The following PODXL2 variants were observed in gnomAD, a reference collection of about 807,000 sequenced individuals.
PODXL2 encodes podocalyxin-like protein 2.
PODXL2 carries 17 observed loss-of-function variants against 53.4 expected under a neutral mutation model. The ratio of observed to expected loss-of-function variants is 0.32; its 90% CI spans 0.22 to 0.48. PODXL2 has a LOEUF of 0.48. Among genes scored for constraint, PODXL2 ranks in the 20% least tolerant of loss-of-function variants. The pLI is 0.99. For synonymous variants in PODXL2, 311 were observed against 306.7 expected, an observed-to-expected ratio of 1.01 and a Z score of -0.15; for missense variants, 673 against 760.0, an observed-to-expected ratio of 0.89 and a Z score of 1.35.
At chr3:127,652,828 C>T (rs1032852571) in intron 2 of PODXL2, among the ~76,000 whole-genome samples, 7 of 151,924 alleles carry the variant, frequency 4.6e-5, no homozygotes, top group African/African-American at 1.5e-4. Flanking sequence ...GAAGGGATTC[C>T]CTGGAGCGCT....
At chr3:127,659,467 C>T (rs749364908) in intron 2 of PODXL2, among the ~76,000 whole-genome samples, 20 of 152,082 alleles carry the variant, frequency 1.3e-4, no homozygotes, top group Admixed American at 2.6e-4. Context: ...GTGTTCCCAC[C>T]ACTCTCCTTT....
At position 127,660,794 on chromosome 3, in the gene PODXL2, G is replaced by A. The variant is rs1183347950; in HGVS notation, c.766G>A (p.Gly256Arg). 6.2e-7 allele frequency: 1 copy of A among 1,614,206 alleles called. No homozygotes were observed. Among genetic ancestry groups the A allele is most frequent in the Admixed American group, 1.7e-5 (1 of 60,016 alleles). Residue 256 changes from glycine (G) to arginine (R), a missense_variant, in exon 3 of 8, where the codon GGG becomes AGG. Physicochemically the swap from Gly to Arg is moderately radical, Grantham distance 125. Around this residue, in one of 3 missense-constraint regions of PODXL2, gnomAD observed 588 missense variants for 668.3 expected, o/e 0.88. Coordinates refer to ENST00000342480, the MANE Select transcript of PODXL2 (RefSeq NM_015720.4). ...PSVTPTTVTP[G>R]DQDSTSQEAE... Reference sequence around the variant, plus strand: ...AGTCACCCCAACTACAGTGACTCCGGGGGACCAGGACTCCACCAGCCAAGA... The same window carrying A: ...AGTCACCCCAACTACAGTGACTCCGAGGGACCAGGACTCCACCAGCCAAGA...
chr3:127,647,009 C>T (rs2074661205), intron 2 of PODXL2, among the ~76,000 whole-genome samples: 1 of 152,146 alleles, frequency 6.6e-6, no homozygotes, highest in Non-Finnish European at 1.5e-5. Flanking sequence ...TGCCTTCCTT[C>T]TCCATCTGTA....
At chr3:127,671,327 C>T (rs756087644) in intron 6 of PODXL2, 107 bp from the exon 7 acceptor site, 89 of 1,007,498 alleles carry the variant, frequency 8.8e-5, no homozygotes, top group Middle Eastern at 2.8e-4. Flanking sequence ...GTGCCAGCAC[C>T]TTCTAAGCCT....
At chr3:127,650,026 T>A (rs2074678780) in intron 2 of PODXL2, among the ~76,000 whole-genome samples, 1 of 152,244 alleles carries the variant, frequency 6.6e-6, no homozygotes, top group Admixed American at 6.5e-5. Flanking sequence ...AGTGTTTTTA[T>A]ATTAACACTC....
At chr3:127,672,119 A>T (rs1343648016) in intron 7 of PODXL2, 149 bp from the exon 8 acceptor site, 3 of 629,680 alleles carry the variant, frequency 4.8e-6, no homozygotes, top group Non-Finnish European at 8.4e-6. Flanking sequence ...TTGAGAAAGG[A>T]GTTGAGCTGC....
chr3:127,663,277 G>A (rs1409469011), intron 4 of PODXL2, among the ~76,000 whole-genome samples: 1 of 152,186 alleles, frequency 6.6e-6, no homozygotes, highest in Non-Finnish European at 1.5e-5. Context: ...TCTGGGGAGT[G>A]TCAATCAGTA....
chr3:127,672,203 C>T (rs2074851399), intron 7 of PODXL2, 65 bp from the exon 8 acceptor site: 1 of 1,400,238 alleles, frequency 7.1e-7, no homozygotes, highest in Non-Finnish European at 9.7e-7. Context: ...GCACAGACGG[C>T]CGCGGGCCTG....
At chr3:127,644,894 T>G (rs2074643613) in intron 2 of PODXL2, among the ~76,000 whole-genome samples, 1 of 151,408 alleles carries the variant, frequency 6.6e-6, no homozygotes, top group Non-Finnish European at 1.5e-5. Context: ...GGGAGGAGAG[T>G]TGCTTCAGTC....
At position 127,671,484 on chromosome 3, in the gene PODXL2, C is replaced by A; in HGVS notation, c.1476C>A (p.Ser492Arg). Residue 492 changes from serine to arginine, a missense_variant, in exon 7 of 8, where the codon AGC (serine) becomes AGA (arginine). Physicochemically the swap from Ser to Arg is moderately radical, Grantham distance 110 (BLOSUM62 -1). This residue lies in a region of PODXL2 where 588 missense variants were observed against 668.3 expected (regional missense o/e 0.88). Transcript: ENST00000342480. ...CCAGCAGCTGCCAGGCGCGGGCCAGCCAGGTGCGCAGCGACTACGGCACGC... is the reference window on the plus strand; with the variant it reads ...CCAGCAGCTGCCAGGCGCGGGCCAGACAGGTGCGCAGCGACTACGGCACGC... ...STTSSCQARA[S>R]QVRSDYGTLF... 1 of 1,614,134 alleles carries A rather than the reference C, an allele frequency of 6.2e-7. No individual in the cohort carries two copies. Among genetic ancestry groups the A allele is most frequent in the Non-Finnish European group, 8.5e-7 (1 of 1,180,000 alleles).
intron 7 of PODXL2, among the ~76,000 whole-genome samples, chr3:127,671,837 C>T (rs1047228136): frequency 6.6e-6 from 1 of 152,182 alleles, no homozygotes; most frequent in Non-Finnish European, 1.5e-5. Flanking sequence ...ACCAGGGGGC[C>T]CCTCCCTGGC....
Position 127,672,501 on chromosome 3 carries a change from G to T in PODXL2, c.*21G>T. The T allele has an allele frequency of 7.0e-7, 1 of 1,432,118 alleles. No individual in the cohort carries two copies. The highest frequency in any genetic ancestry group is 1.4e-5 in the South Asian group (1 of 72,746). 88.7% of individuals were successfully genotyped at this position (1,432,118 alleles called of 1,614,324 possible). A position where few individuals can be genotyped will look rare whatever the true frequency, so the allele number is the denominator to read the frequency against. On this transcript the variant is annotated 3_prime_UTR_variant, in exon 8 of 8. Transcript: ENST00000342480. The stretch of plus-strand genomic sequence containing the variant: ...TGTGAGCGCAGCCGAGGCGCAGGCC[G>T]AGTGGGCCGCCAGGACCAAGCGAGG...
At chr3:127,669,674 G>C (rs7634281) in intron 6 of PODXL2, among the ~76,000 whole-genome samples, 1 of 152,114 alleles carries the variant, frequency 6.6e-6, no homozygotes, top group Non-Finnish European at 1.5e-5. Flanking sequence ...GTGCTTGCAC[G>C]GCCAGGCCCT....
chr3:127,663,862 T>C (rs1209934188), intron 4 of PODXL2, among the ~76,000 whole-genome samples: 1 of 152,242 alleles, frequency 6.6e-6, no homozygotes, highest in Middle Eastern at 3.2e-3. Context: ...CTAAAGTTCG[T>C]ATCTTTTTGC....
At chr3:127,644,194 C>T (rs1254542835) in intron 2 of PODXL2, among the ~76,000 whole-genome samples, 2 of 152,106 alleles carry the variant, frequency 1.3e-5, no homozygotes, top group East Asian at 1.9e-4. Context: ...TTACTGCAAC[C>T]TCTGCCTCCG....
intron 2 of PODXL2, among the ~76,000 whole-genome samples, chr3:127,654,138 T>C (rs1435203973): frequency 6.6e-6 from 1 of 152,168 alleles, no homozygotes; most frequent in East Asian, 1.9e-4. Context: ...AGTCCGCATG[T>C]CTCTTTTGTC....
chr3:127,647,002 C>T (rs2074661140), intron 2 of PODXL2, among the ~76,000 whole-genome samples: 2 of 152,146 alleles, frequency 1.3e-5, no homozygotes, highest in South Asian at 4.1e-4. Context: ...GAGCTGATGC[C>T]TTCCTTCTCC....
At chr3:127,670,171 G>T (rs1297252726) in intron 6 of PODXL2, among the ~76,000 whole-genome samples, 1 of 152,236 alleles carries the variant, frequency 6.6e-6, no homozygotes, top group Non-Finnish European at 1.5e-5. Context: ...CCATGGGGTT[G>T]TGAGGGTTAA....
chr3:127,672,280 G>A lies in PODXL2; in HGVS notation c.1618G>A (p.Glu540Lys). 2 of 1,545,160 alleles carry A rather than the reference G, an allele frequency of 1.3e-6. No individual in the cohort carries two copies. The highest frequency in any genetic ancestry group is 2.4e-5 in the South Asian group (2 of 84,126). The change falls in exon 8 of 8, where the codon GAG becomes AAG. Residue 540 changes from glutamate (E) to lysine (K), a missense_variant. Physicochemically the swap from Glu to Lys is moderately conservative, Grantham distance 56. Around this residue, in one of 3 missense-constraint regions of PODXL2, gnomAD observed 588 missense variants for 668.3 expected, o/e 0.88. Transcript: ENST00000342480. ...CACCCCGCCTCAGTCGCACGGCGAGGAGCTGCGCTTCGTGGAGAACGGCTG... is the reference window on the plus strand; with the variant it reads ...CACCCCGCCTCAGTCGCACGGCGAGAAGCTGCGCTTCGTGGAGAACGGCTG... ...PKLKHVSHGE[E>K]LRFVENGCHD...
Sources: allele counts gnomAD v4.1 joint callset (sites outside exome capture counted in the v4.1 genomes callset), GRCh38; gene constraint gnomAD v4.1.1; regional missense constraint gnomAD v4.1.1; transcripts MANE v1.5; gene names NCBI Gene and HGNC (gene_info 2026-07-23, HGNC 2026-07-21).